CDH1: variants seen among roughly 807,000 people sequenced by gnomAD.
CDH1 encodes cadherin 1.
A neutral mutation model predicts 84.5 loss-of-function variants in CDH1; 35 were observed. The ratio of observed to expected loss-of-function variants is 0.41; its 90% CI spans 0.32 to 0.55. The LOEUF (loss-of-function observed/expected upper bound fraction) is 0.55, where lower values mean the gene tolerates loss of function less well. Among genes scored for constraint, CDH1 ranks in the 20% least tolerant of loss-of-function variants. The pLI, the probability that CDH1 is intolerant of heterozygous loss-of-function variation, is 0.19. For synonymous variants in CDH1, 417 were observed against 439.0 expected, an observed-to-expected ratio of 0.95 and a Z score of 0.63; for missense variants, 994 against 1,126.6, an observed-to-expected ratio of 0.88 and a Z score of 1.68.
chr16:68,803,811 C>T (rs1401934663), intron 3 of CDH1, among the ~76,000 whole-genome samples: 2 of 152,060 alleles, frequency 1.3e-5, no homozygotes, highest in African/African-American at 4.8e-5. Flanking sequence ...ATATAAATCT[C>T]CAATTGTCGT....
chr16:68,787,005 G>C (rs977161265), intron 2 of CDH1, among the ~76,000 whole-genome samples: 89 of 152,166 alleles, frequency 5.8e-4, no homozygotes, highest in African/African-American at 2.1e-3. Flanking sequence ...TCTTGTTCTT[G>C]AGTTATTGAA....
intron 2 of CDH1, among the ~76,000 whole-genome samples, chr16:68,769,796 C>T (rs1395169921): frequency 5.3e-5 from 8 of 151,818 alleles, no homozygotes; most frequent in Non-Finnish European, 7.4e-5. Context: ...GGGCCTGGCG[C>T]GGTGGCTCAC....
Position 68,812,127 on chromosome 16 carries a change from C to A in CDH1, c.1009-8C>A. The A allele has an allele frequency of 6.2e-7, 1 of 1,614,108 alleles. No individual in the cohort carries two copies. Among genetic ancestry groups the A allele is most frequent in the South Asian group, 1.1e-5 (1 of 91,050 alleles). ...GGTCCTGACTTGGTTGTGTCGATCT[C>A]TCTGCAGAGTTTCCCTACGTATACC... On this transcript the variant is annotated splice_region_variant and splice_polypyrimidine_tract_variant and intron_variant, in intron 7 of 15. Coordinates refer to ENST00000261769, the MANE Select transcript of CDH1 (RefSeq NM_004360.5).
chr16:68,813,956 G>A (rs1167192738), intron 9 of CDH1, among the ~76,000 whole-genome samples: 1 of 151,846 alleles, frequency 6.6e-6, no homozygotes, highest in Non-Finnish European at 1.5e-5. Flanking sequence ...GGAAAAGGAG[G>A]CCGGGCGTGG....
intron 2 of CDH1, among the ~76,000 whole-genome samples, chr16:68,765,878 T>G (rs952096082): frequency 6.6e-6 from 1 of 152,194 alleles, no homozygotes; most frequent in African/African-American, 2.4e-5. Flanking sequence ...ACCCTTCAGT[T>G]ATTTATTGAT....
At chr16:68,768,775 T>C (rs1163942207) in intron 2 of CDH1, among the ~76,000 whole-genome samples, 1 of 152,198 alleles carries the variant, frequency 6.6e-6, no homozygotes. Flanking sequence ...TACATCCTCC[T>C]AGAAGTAAGG....
At chr16:68,805,251 C>G (rs866661851) in intron 3 of CDH1, among the ~76,000 whole-genome samples, 1 of 151,164 alleles carries the variant, frequency 6.6e-6, no homozygotes. Flanking sequence ...AACTCCTGAC[C>G]TCAAGCAGTC....
At chr16:68,743,359 C>CTTTCTTTCTTTCTTTCT in intron 2 of CDH1, among the ~76,000 whole-genome samples, 1 of 55,634 alleles carries the variant, frequency 1.8e-5, no homozygotes, top group South Asian at 7.9e-4. Flanking sequence ...TTCTTTCTTT[C>CTTTCTTTCTTTCTTTCT]TTTCTTTTCT....
chr16:68,737,532 C>CTGCG, intron 1 of CDH1, 69 bp downstream of exon 1: 1 of 1,333,408 alleles, frequency 7.5e-7, no homozygotes, highest in Admixed American at 2.0e-5. Context: ...GCCCTGCGCC[C>CTGCG]CTTCCTCTCC....
chr16:68,739,770 T>G (rs1447124269), intron 2 of CDH1, among the ~76,000 whole-genome samples: 3 of 151,954 alleles, frequency 2.0e-5, no homozygotes, highest in Non-Finnish European at 4.4e-5. Context: ...GCCACCACCA[T>G]GCCCAGCTAA....
intron 2 of CDH1, among the ~76,000 whole-genome samples, chr16:68,754,921 T>G (rs1962979524): frequency 6.6e-6 from 1 of 151,784 alleles, no homozygotes; most frequent in East Asian, 1.9e-4. Flanking sequence ...GGTGGAGAAA[T>G]TTAGGGGCAG....
At chr16:68,745,550 A>AAATATATATATATATT (rs71253605) in intron 2 of CDH1, among the ~76,000 whole-genome samples, 1 of 50,498 alleles carries the variant, frequency 2.0e-5, no homozygotes, top group African/African-American at 1.1e-4. Flanking sequence ...AAAAAAAAAA[A>AAATATATATATATATT]TATATATATA....
Position 68,791,674 on chromosome 16 carries a change from G to A in CDH1, c.164-9996G>A, listed in dbSNP as rs566159637. ...TGGGCCCAAGTGATCCTCTCACCTC[G>A]GCCTCCCAAAGTGCTGGGATTACAG... On this transcript the variant is annotated intron_variant, in intron 2 of 15. Transcript: ENST00000261769. Among the ~76,000 whole-genome samples, 8 of 152,058 alleles carry A rather than the reference G, an allele frequency of 5.3e-5. No homozygotes were observed. The South Asian group carries it at 6.2e-4, about 12-fold the overall frequency.
chr16:68,755,282 C>CAAAAAAAAAAAAAAAAAA (rs1188775959), intron 2 of CDH1, among the ~76,000 whole-genome samples: 12 of 96,022 alleles, frequency 1.2e-4, no homozygotes, highest in African/African-American at 4.5e-4. Context: ...GACTCTGTCT[C>CAAAAAAAAAAAAAAAAAA]AAAAAAAAAA....
intron 6 of CDH1, 22 bp downstream of exon 6, chr16:68,810,363 T>G: frequency 1.2e-6 from 2 of 1,610,406 alleles, no homozygotes; most frequent in South Asian, 2.2e-5. Flanking sequence ...AATGAGAATC[T>G]GAATACTCAG....
At chr16:68,752,523 G>A (rs1265384125) in intron 2 of CDH1, among the ~76,000 whole-genome samples, 1 of 151,598 alleles carries the variant, frequency 6.6e-6, no homozygotes, top group Non-Finnish European at 1.5e-5. Flanking sequence ...TGAATGAGAG[G>A]TTTCAGAGTG....
Position 68,822,011 on chromosome 16 carries a change from T to C in CDH1, c.1722T>C (p.Val574=), listed in dbSNP as rs1961156325. The C allele has an allele frequency of 1.2e-6, 2 of 1,612,884 alleles. No homozygotes were observed. The highest frequency in any genetic ancestry group is 2.7e-5 in the African/African-American group (2 of 75,032). ...TGTATTTTCTCTTAGGTTCTCCAGTTGCTACTGGAACAGGGACACTTCTGC... is the reference window on the plus strand; with the variant it reads ...TGTATTTTCTCTTAGGTTCTCCAGTCGCTACTGGAACAGGGACACTTCTGC... ...LIIATDNGSP[V]ATGTGTLLLI... The change falls in exon 12 of 16, where the codon GTT becomes GTC. Residue 574 remains valine (V), a synonymous_variant. Transcript: ENST00000261769.
Position 68,758,207 on chromosome 16 carries a change from C to CTTTTTTTTTTTTTT in CDH1, c.163+19810_163+19823dup, listed in dbSNP as rs57413297. 2.0e-4 allele frequency among the ~76,000 whole-genome samples: 8 copies of CTTTTTTTTTTTTTT among 40,046 alleles called. 2 individuals carry two copies. Among genetic ancestry groups the CTTTTTTTTTTTTTT allele is most frequent in the African/African-American group, 6.3e-4 (6 of 9,558 alleles). 26.3% of individuals were successfully genotyped at this position (40,046 alleles called of 152,430 possible). A position where few individuals can be genotyped will look rare whatever the true frequency, so the allele number is the denominator to read the frequency against. On this transcript the variant is annotated intron_variant, in intron 2 of 15. Transcript: ENST00000261769. Reference sequence around the variant, plus strand: ...GCCTAGGGTAGGCTTCTTTTTATTTCTTTTTTTTTTTTTTTTTTTTTTTTT... The same window carrying CTTTTTTTTTTTTTT: ...GCCTAGGGTAGGCTTCTTTTTATTTCTTTTTTTTTTTTTTTTTTTTTTTTTTTTTTTTTTTTTTT...
At chr16:68,767,626 A>G (rs1483282702) in intron 2 of CDH1, among the ~76,000 whole-genome samples, 1 of 152,202 alleles carries the variant, frequency 6.6e-6, no homozygotes, top group Non-Finnish European at 1.5e-5. Flanking sequence ...TCTTGTCTGT[A>G]TCTTGGTCTT....
Sources: gnomAD v4.1 joint callset for allele counts (sites outside exome capture counted in the v4.1 genomes callset) on GRCh38, gnomAD v4.1.1 for gene constraint, MANE v1.5 for transcripts, NCBI Gene and HGNC (gene_info 2026-07-23, HGNC 2026-07-21) for gene names.